ADAM32: variants seen among roughly 807,000 people sequenced by gnomAD.
ADAM32 encodes the protein ADAM metallopeptidase domain 32.
A neutral mutation model predicts 114.9 loss-of-function variants in ADAM32; 89 were observed. The ratio of observed to expected loss-of-function variants is 0.77; its 90% confidence interval spans 0.65 to 0.92. The LOEUF (loss-of-function observed/expected upper bound fraction) is 0.92. ADAM32 is among the 40% of genes least tolerant of loss of function. The probability of loss-of-function intolerance (pLI) is 0.00; values close to 1 mark genes in which losing one functional copy is unlikely to be tolerated. For synonymous variants in ADAM32, 285 were observed against 307.5 expected (o/e 0.93, Z 0.77); for missense variants, 870 against 932.8 (o/e 0.93, Z 0.88).
chr8:39,274,431 T>C (rs1295669606), intron 21 of ADAM32, 81 bp downstream of exon 21: 28 of 1,482,442 alleles, frequency 1.9e-5, no homozygotes, highest in Non-Finnish European at 2.3e-5. Context: ...TTTCTAAATA[T>C]TTTTGAACAA....
At chr8:39,125,603 A>G (rs1049281625) in intron 2 of ADAM32, among the ~76,000 whole-genome samples, 1 of 152,058 alleles carries the variant, frequency 6.6e-6, no homozygotes, top group Non-Finnish European at 1.5e-5. Context: ...AGATTGCAAA[A>G]ATTTCTCCCA....
chr8:39,140,384 A>G (rs1187616557), intron 3 of ADAM32, among the ~76,000 whole-genome samples: 1 of 152,154 alleles, frequency 6.6e-6, no homozygotes, highest in Non-Finnish European at 1.5e-5. Context: ...AATTTTGTCA[A>G]AGGCCTTTTC....
At chr8:39,257,464 A>G (rs992340571) in intron 19 of ADAM32, 121 bp downstream of exon 19, 13 of 1,176,886 alleles carry the variant, frequency 1.1e-5, no homozygotes, top group African/African-American at 3.1e-5. Context: ...GTATTACATC[A>G]ATATGTCATT....
intron 19 of ADAM32, among the ~76,000 whole-genome samples, chr8:39,265,052 A>G (rs924004695): frequency 1.3e-5 from 2 of 152,146 alleles, no homozygotes; most frequent in East Asian, 1.9e-4. Flanking sequence ...TTCTGCCTCA[A>G]TGATCTGCAT....
At chr8:39,146,396 G>A (rs1240603142) in intron 3 of ADAM32, among the ~76,000 whole-genome samples, 1 of 149,614 alleles carries the variant, frequency 6.7e-6, no homozygotes, top group Non-Finnish European at 1.5e-5. Flanking sequence ...CCAACATCCA[G>A]TTTATGTCTA....
intron 11 of ADAM32, among the ~76,000 whole-genome samples, chr8:39,188,230 T>A (rs771606936): frequency 9.9e-5 from 15 of 152,144 alleles, no homozygotes; most frequent in Non-Finnish European, 1.6e-4. Context: ...GCAATTATAT[T>A]ACAAATTAGC....
intron 10 of ADAM32, 134 bp from the exon 11 acceptor site, chr8:39,186,775 A>G (rs1462753480): frequency 2.5e-5 from 17 of 676,558 alleles, no homozygotes; most frequent in Non-Finnish European, 3.6e-5. Context: ...TCAGCTTCTC[A>G]CCTGTTCAAG....
intron 6 of ADAM32, among the ~76,000 whole-genome samples, chr8:39,160,321 G>A (rs182096753): frequency 7.2e-5 from 11 of 152,026 alleles, no homozygotes; most frequent in African/African-American, 2.7e-4. Flanking sequence ...CGGGCGGATC[G>A]CGAGGTCAGG....
At chr8:39,256,858 AT>A (rs909693999) in intron 18 of ADAM32, among the ~76,000 whole-genome samples, 1 of 152,028 alleles carries the variant, frequency 6.6e-6, no homozygotes, top group African/African-American at 2.4e-5. Context: ...GTAAGAGTGC[AT>A]TTTTGGATAA....
Position 39,189,375 on chromosome 8 carries a change from A to G in ADAM32, c.1052+2330A>G, listed in dbSNP as rs560786322. On this transcript the variant is annotated intron_variant, in intron 11 of 24. Transcript: ENST00000379907. ...TAAACTAAGTAGCAAGAGAATATTC[A>G]TATGTATTTGTTCAAAATTCACTTT... Among the ~76,000 whole-genome samples, 3 of 152,292 alleles carry G rather than the reference A, an allele frequency of 2.0e-5. 1 individual carries two copies. The South Asian group carries it at 6.2e-4, about 32-fold the overall frequency.
intron 14 of ADAM32, among the ~76,000 whole-genome samples, chr8:39,230,353 T>C (rs1809657940): frequency 1.3e-5 from 2 of 152,018 alleles, no homozygotes; most frequent in African/African-American, 4.8e-5. Context: ...GGAGAGAGCG[T>C]TTAAGGGAGA....
chr8:39,194,036 G>A (rs531025077), intron 11 of ADAM32, among the ~76,000 whole-genome samples: 55 of 152,196 alleles, frequency 3.6e-4, no homozygotes, highest in Non-Finnish European at 6.5e-4. Flanking sequence ...TTGCAGGAGG[G>A]TGCTAGTGTG....
chr8:39,213,999 G>A (rs1808395918), intron 12 of ADAM32, among the ~76,000 whole-genome samples: 1 of 152,090 alleles, frequency 6.6e-6, no homozygotes, highest in Non-Finnish European at 1.5e-5. Context: ...TTCCATCCAT[G>A]TTGCAAATGA....
intron 3 of ADAM32, among the ~76,000 whole-genome samples, chr8:39,146,462 T>G (rs4733981): frequency 0.29 from 42,894 of 148,828 alleles, 6,199 homozygotes; most frequent in Middle Eastern, 0.35. Context: ...CCAGGCTGGA[T>G]TGCAGTGGTG....
intron 9 of ADAM32, chr8:39,168,584 A>G (rs1804997690): frequency 6.6e-6 from 1 of 152,176 alleles, no homozygotes; most frequent in Non-Finnish European, 1.5e-5. Context: ...TACATTTCAT[A>G]TGGCCAAATT....
rs1288734859 is a variant in ADAM32 at position 39,254,577 on chromosome 8, A to G, written c.2005+61A>G. The G allele has an allele frequency of 4.6e-6, 6 of 1,315,232 alleles. No individual in the cohort carries two copies. The Admixed American group carries it at 1.7e-4, about 36-fold the overall frequency. 81.5% of individuals were successfully genotyped at this position (1,315,232 alleles called of 1,614,324 possible). A position where few individuals can be genotyped will look rare whatever the true frequency, so the allele number is the denominator to read the frequency against. ...AATTCTCAAATTGCTTATCTTCACT[A>G]AAACAAAGTTCGATTTTTCCACTTA... On this transcript the variant is annotated intron_variant, in intron 18 of 24. Coordinates refer to ENST00000379907, the MANE Select transcript of ADAM32 (RefSeq NM_145004.7).
chr8:39,145,638 T>C (rs1342301248), intron 3 of ADAM32, among the ~76,000 whole-genome samples: 1 of 152,132 alleles, frequency 6.6e-6, no homozygotes, highest in Non-Finnish European at 1.5e-5. Context: ...GAAGAAGAGA[T>C]GGTTTCAAGA....
chr8:39,229,476 T>A (rs989487199), intron 14 of ADAM32, among the ~76,000 whole-genome samples: 4 of 152,058 alleles, frequency 2.6e-5, no homozygotes, highest in African/African-American at 9.7e-5. Context: ...TAAGAACTCA[T>A]ATACACTTAA....
intron 19 of ADAM32, among the ~76,000 whole-genome samples, chr8:39,265,417 C>T (rs542331538): frequency 1.3e-5 from 2 of 152,290 alleles, no homozygotes; most frequent in South Asian, 4.1e-4. Context: ...CTTTTGAAGA[C>T]AGCATGTAGT....
Sources: gnomAD v4.1 joint callset for allele counts (sites outside exome capture counted in the v4.1 genomes callset) on GRCh38, gnomAD v4.1.1 for gene constraint, MANE v1.5 for transcripts, NCBI Gene and HGNC (gene_info 2026-07-23, HGNC 2026-07-21) for gene names.